BAIAP2: variants seen among roughly 807,000 people sequenced by gnomAD.
The protein encoded by BAIAP2 is BAR/IMD domain containing adaptor protein 2, also known as BAR/IMD domain-containing adapter protein 2.
A neutral mutation model predicts 63.0 loss-of-function variants in BAIAP2; 18 were observed. The ratio of observed to expected loss-of-function variants is 0.29; its 90% CI spans 0.20 to 0.42. The LOEUF is 0.42. Ranked by LOEUF, BAIAP2 falls within the 10% of genes least tolerant of loss-of-function variation. The pLI, the probability that BAIAP2 is intolerant of heterozygous loss-of-function variation, is 1.00. For missense variants in BAIAP2, 610 were observed against 734.3 expected (o/e 0.83, Z 1.96); for synonymous variants, 386 against 307.6 (o/e 1.25, Z -2.67).
intron 1 of BAIAP2, among the ~76,000 whole-genome samples, chr17:81,048,700 C>T (rs890491990): frequency 7.2e-5 from 11 of 152,208 alleles, no homozygotes; most frequent in African/African-American, 2.7e-4. Flanking sequence ...CACGGCCCTC[C>T]CATTTGTACC....
At position 81,107,094 on chromosome 17, in the gene BAIAP2, G is replaced by A. The variant is rs1428970571; in HGVS notation, c.1500+187G>A. 1.0e-5 allele frequency: 7 copies of A among 692,656 alleles called. No individual in the cohort carries two copies. The Admixed American group carries it at 1.1e-4, about 11-fold the overall frequency. 42.9% of individuals were successfully genotyped at this position (692,656 alleles called of 1,614,324 possible). On this transcript the variant is annotated intron_variant, in intron 12 of 13. Transcript: ENST00000428708. ...CCCCTGCTTCGGCCTCAGGCTGCCC[G>A]CCTCGCCGCAGCAGGCTCCCTGTGT...
At chr17:81,065,149 C>T (rs1262900065) in intron 3 of BAIAP2, among the ~76,000 whole-genome samples, 1 of 152,196 alleles carries the variant, frequency 6.6e-6, no homozygotes, top group Non-Finnish European at 1.5e-5. Flanking sequence ...TGACTGGCAG[C>T]TCGGGGAGAC....
chr17:81,108,943 A>G (rs988554150), intron 13 of BAIAP2: 1 of 1,544,950 alleles, frequency 6.5e-7, no homozygotes, highest in Non-Finnish European at 8.7e-7. Flanking sequence ...GCAGCCAGGC[A>G]GCCGTCCTGT....
chr17:81,062,881 A>AC (rs1312798011), intron 3 of BAIAP2, among the ~76,000 whole-genome samples: 1 of 151,436 alleles, frequency 6.6e-6, no homozygotes, highest in African/African-American at 2.4e-5. Context: ...GTTCAGGGCC[A>AC]CCTTGGTGCT....
chr17:81,062,912 T>TCCCCCCCG (rs1555661220), intron 3 of BAIAP2, among the ~76,000 whole-genome samples: 4 of 132,480 alleles, frequency 3.0e-5, no homozygotes, highest in African/African-American at 1.1e-4. Flanking sequence ...GAGTGTTACT[T>TCCCCCCCG]CCCCCCCGCC....
intron 6 of BAIAP2, among the ~76,000 whole-genome samples, chr17:81,093,129 C>CTGGGCT (rs1334958024): frequency 7.0e-6 from 1 of 143,744 alleles, no homozygotes; most frequent in East Asian, 2.0e-4. Flanking sequence ...CTGGGCTGGG[C>CTGGGCT]TGTGGGCACG....
At chr17:81,057,597 G>T in intron 2 of BAIAP2, 1 of 1,131,440 alleles carries the variant, frequency 8.8e-7, no homozygotes, top group Non-Finnish European at 1.1e-6. Flanking sequence ...GGTAGCACGT[G>T]ATAGGGATCA....
chr17:81,077,005 C>T (rs1429842538), intron 3 of BAIAP2, among the ~76,000 whole-genome samples: 3 of 152,110 alleles, frequency 2.0e-5, no homozygotes, highest in Admixed American at 1.3e-4. Context: ...AGGCAGGCTG[C>T]ACCATGGATG....
intron 10 of BAIAP2, chr17:81,105,835 G>T: frequency 2.2e-6 from 1 of 458,820 alleles, no homozygotes; most frequent in Non-Finnish European, 4.0e-6. Flanking sequence ...CTTGCAGTTG[G>T]GTCTGGTGGG....
intron 1 of BAIAP2, among the ~76,000 whole-genome samples, chr17:81,049,419 G>T (rs1019152897): frequency 6.6e-6 from 1 of 152,290 alleles, no homozygotes; most frequent in East Asian, 1.9e-4. Context: ...AGGGCTTGAG[G>T]TTATTTTCTT....
At chr17:81,059,721 G>GA (rs2144396018) in intron 3 of BAIAP2, among the ~76,000 whole-genome samples, 1 of 152,360 alleles carries the variant, frequency 6.6e-6, no homozygotes, top group South Asian at 2.1e-4. Flanking sequence ...AGACTGCTGG[G>GA]ATTATAGGCG....
chr17:81,105,000 G>GGGATCTCCCCCCAACGGCAT (rs2058963134), intron 10 of BAIAP2: 1 of 362,268 alleles, frequency 2.8e-6, no homozygotes, highest in Admixed American at 4.2e-5. Context: ...CCCAACGGCA[G>GGGATCTCCCCCCAACGGCAT]GGATCTCCCC....
intron 6 of BAIAP2, among the ~76,000 whole-genome samples, chr17:81,088,474 C>T (rs1337529908): frequency 6.6e-6 from 1 of 152,238 alleles, no homozygotes; most frequent in Non-Finnish European, 1.5e-5. Context: ...GTGTCCATCA[C>T]TCAGTCCGTT....
chr17:81,114,166 G>T lies in BAIAP2; in HGVS notation c.1536-1604G>T, dbSNP rs79785487. 4.9e-3 allele frequency among the ~76,000 whole-genome samples: 718 copies of T among 147,986 alleles called. 5 individuals carry two copies. The highest frequency in any genetic ancestry group is 0.016 in the African/African-American group (651 of 39,946). ...TTTTTTTTTTTTTTTGTAGAGACGG[G>T]TACGCTTTGCTGCCCAGGCTGGTCT... is the stretch of plus-strand genomic sequence containing the variant. On this transcript the variant is annotated intron_variant, in intron 13 of 13. Transcript: ENST00000428708.
chr17:81,084,634 G>T (rs1353229350), intron 3 of BAIAP2, among the ~76,000 whole-genome samples, 198 bp from the exon 4 acceptor site: 1 of 152,150 alleles, frequency 6.6e-6, no homozygotes, highest in Non-Finnish European at 1.5e-5. Context: ...TTGAGGTCTG[G>T]AGTCCCTTCT....
intron 1 of BAIAP2, chr17:81,036,825 T>C (rs1009926151): frequency 6.8e-7 from 1 of 1,480,420 alleles, no homozygotes; most frequent in Non-Finnish European, 9.1e-7. Flanking sequence ...ATTAAATTAT[T>C]AGTCATTAGC....
chr17:81,108,096 G>T lies in BAIAP2; in HGVS notation c.1501-379G>T, dbSNP rs372135584. 70 of 306,408 alleles carry T rather than the reference G, an allele frequency of 2.3e-4. No individual in the cohort carries two copies. In the East Asian group the frequency reaches 4.5e-3, roughly 20 times the overall value. 19.0% of individuals were successfully genotyped at this position (306,408 alleles called of 1,614,324 possible). A position where few individuals can be genotyped will look rare whatever the true frequency, so the allele number is the denominator to read the frequency against. On this transcript the variant is annotated intron_variant, in intron 12 of 13. Coordinates refer to ENST00000428708, the MANE Select transcript of BAIAP2 (RefSeq NM_001144888.2). ...TCCTGGGTCCTACAAGCAGGCGGAG[G>T]AGTCCCAGGGGCCCGCCCAGGCATG...
intron 11 of BAIAP2, among the ~76,000 whole-genome samples, chr17:81,106,347 C>T (rs115537482): frequency 6.6e-6 from 1 of 152,082 alleles, no homozygotes; most frequent in African/African-American, 2.4e-5. Flanking sequence ...CAGTGGGGCC[C>T]GAGAGCCCTG....
chr17:81,086,890 G>A (rs1380972640), intron 6 of BAIAP2: 2 of 278,414 alleles, frequency 7.2e-6, no homozygotes, highest in African/African-American at 2.2e-5. Flanking sequence ...CCGGGAGTCC[G>A]GTCCCAGTTT....
Sources: gnomAD v4.1 joint callset for allele counts (sites outside exome capture counted in the v4.1 genomes callset) on GRCh38, gnomAD v4.1.1 for gene constraint, MANE v1.5 for transcripts, NCBI Gene and HGNC (gene_info 2026-07-23, HGNC 2026-07-21) for gene names.